The following ACOT2 variants were observed in gnomAD, a reference collection of about 807,000 sequenced individuals.
The protein encoded by ACOT2 is acyl-CoA thioesterase 2.
Under a neutral mutation model 20.1 loss-of-function variants are expected in ACOT2, and 15 were observed. The ratio of observed to expected loss-of-function variants is 0.75; its 90% CI spans 0.50 to 1.15. The LOEUF (loss-of-function observed/expected upper bound fraction) is 1.15. Among genes scored for constraint, ACOT2 ranks in the 50% most tolerant of loss-of-function variants. ACOT2 has a pLI of 0.00. For missense variants in ACOT2, 479 were observed against 615.3 expected, an observed-to-expected ratio of 0.78 and a Z score of 2.34; for synonymous variants, 252 against 268.4, an observed-to-expected ratio of 0.94 and a Z score of 0.60.
upstream of ACOT2, chr14:73,567,623 C>T (rs541803374): frequency 3.9e-5 from 6 of 152,224 alleles, no homozygotes; most frequent in African/African-American, 1.4e-4. Flanking sequence ...TAGTGGTAAC[C>T]TGCGTGAGTT....
At chr14:73,570,076 A>G (rs1462381328) in intron 1 of ACOT2, among the ~76,000 whole-genome samples, 193 bp downstream of exon 1, 1 of 148,866 alleles carries the variant, frequency 6.7e-6, no homozygotes, top group Non-Finnish European at 1.5e-5. Flanking sequence ...TTACAGGGTG[A>G]GCCACCGCGC....
In ACOT2 at chr14:73,575,619, T is replaced by A; in HGVS notation, c.*106T>A. ...ATTCTTTTGTTTTTAATAACTAAAGTTTTTTCCCCTCATTATTAAAATGAA... is the reference window on the plus strand; with the variant it reads ...ATTCTTTTGTTTTTAATAACTAAAGATTTTTCCCCTCATTATTAAAATGAA... On this transcript the variant is annotated 3_prime_UTR_variant, in exon 3 of 3. Transcript: ENST00000238651. 6.4e-7 allele frequency: 1 copy of A among 1,560,210 alleles called. No individual in the cohort carries two copies. The highest frequency in any genetic ancestry group is 2.2e-5 in the East Asian group (1 of 44,470).
intron 2 of ACOT2, among the ~76,000 whole-genome samples, chr14:73,573,906 T>C (rs1214023376): frequency 2.6e-5 from 4 of 152,086 alleles, no homozygotes; most frequent in African/African-American, 9.7e-5. Flanking sequence ...TTTGTATTTT[T>C]AGTGGAGGCG....
At chr14:73,570,474 CAGG>C (rs1156541929) in intron 1 of ACOT2, among the ~76,000 whole-genome samples, 1 of 151,832 alleles carries the variant, frequency 6.6e-6, no homozygotes, top group Non-Finnish European at 1.5e-5. Flanking sequence ...GAGGCTGAGG[CAGG>C]AGAATGGTGT....
chr14:73,575,578 G>T lies in ACOT2; in HGVS notation c.*65G>T. On this transcript the variant is annotated 3_prime_UTR_variant, in exon 3 of 3. Coordinates refer to ENST00000238651, the MANE Select transcript of ACOT2 (RefSeq NM_006821.6). ...CCTGGAAACATCTGCCACATTTAGT[G>T]TGTGTATGTGTATTCATTCTTTTGT... 6.4e-7 allele frequency: 1 copy of T among 1,552,186 alleles called. No homozygotes were observed. Among genetic ancestry groups the T allele is most frequent in the South Asian group, 1.2e-5 (1 of 82,054 alleles).
chr14:73,569,534 G>A lies in ACOT2; in HGVS notation c.294G>A (p.Ala98=), dbSNP rs1314075153. 2 of 1,606,280 alleles carry A rather than the reference G, an allele frequency of 1.2e-6. No homozygotes were observed. The highest frequency in any genetic ancestry group is 1.1e-5 in the South Asian group (1 of 90,684). The change falls in exon 1 of 3, where the codon GCG becomes GCA. Residue 98 remains alanine (A), a synonymous_variant. Transcript: ENST00000238651. ...LAPEQPVTLR[A]SLRDEKGALF... ...CGGAGCAGCCGGTCACGCTGCGCGC[G>A]TCCCTGCGCGACGAGAAGGGCGCGC...
intron 1 of ACOT2, among the ~76,000 whole-genome samples, chr14:73,571,962 A>G (rs1889760769): frequency 3.3e-5 from 5 of 151,778 alleles, no homozygotes; most frequent in African/African-American, 9.7e-5. Context: ...AATGCAAAAT[A>G]AAACAACAGA....
intron 1 of ACOT2, 142 bp from the exon 2 acceptor site, chr14:73,573,246 C>A: frequency 7.8e-7 from 1 of 1,287,558 alleles, no homozygotes; most frequent in Non-Finnish European, 1.1e-6. Flanking sequence ...GGTTTCTGGA[C>A]GAACAGGTTT....
rs1889686478 is a variant in ACOT2 at position 73,569,938 on chromosome 14, T to C, written c.643+55T>C. The C allele has an allele frequency of 1.2e-5, 19 of 1,545,688 alleles. No individual in the cohort carries two copies. In the East Asian group the frequency reaches 2.1e-4, roughly 17 times the overall value. On this transcript the variant is annotated intron_variant, in intron 1 of 2. Coordinates refer to ENST00000238651, the MANE Select transcript of ACOT2 (RefSeq NM_006821.6). Reference sequence around the variant, plus strand: ...TCGTTCGCCTTTCACTTTGTGTGTCTCCCCCGCCCCACGCTTTTCGCTTAT... The same window carrying C: ...TCGTTCGCCTTTCACTTTGTGTGTCCCCCCCGCCCCACGCTTTTCGCTTAT...
chr14:73,570,828 C>G (rs1388225080), intron 1 of ACOT2, among the ~76,000 whole-genome samples: 2 of 150,572 alleles, frequency 1.3e-5, no homozygotes, highest in Non-Finnish European at 3.0e-5. Flanking sequence ...TCGCTGGAAC[C>G]CGGGAGGCAG....
chr14:73,570,110 C>T (rs1305942998), intron 1 of ACOT2, among the ~76,000 whole-genome samples: 3 of 140,606 alleles, frequency 2.1e-5, no homozygotes, highest in African/African-American at 7.6e-5. Flanking sequence ...GGGAGTTACA[C>T]TTTTTTTTTT....
rs938256845 is a variant in ACOT2 at position 73,572,344 on chromosome 14, G to GA, written c.644-1035dup. 1.0e-4 allele frequency among the ~76,000 whole-genome samples: 15 copies of GA among 148,704 alleles called. No homozygotes were observed. The East Asian group carries it at 1.8e-3, about 17-fold the overall frequency. ...ATCTATCAAGATATACAAAAGAAAA[G>GA]AAAAAAAAAGAATCAACATGGATGA... On this transcript the variant is annotated intron_variant, in intron 1 of 2. Coordinates refer to ENST00000238651, the MANE Select transcript of ACOT2 (RefSeq NM_006821.6).
intron 1 of ACOT2, chr14:73,571,171 A>G (rs1889737051): frequency 1.3e-5 from 2 of 151,518 alleles, no homozygotes; most frequent in Admixed American, 6.6e-5. Flanking sequence ...CTGGCTGGCT[A>G]TGATCTCCCT....
Position 73,569,601 on chromosome 14 carries a change from G to T in ACOT2, c.361G>T (p.Glu121Ter), listed in dbSNP as rs779721978. 6.2e-6 allele frequency: 10 copies of T among 1,601,632 alleles called. No homozygotes were observed. The highest frequency in any genetic ancestry group is 6.8e-6 in the Non-Finnish European group (8 of 1,176,142). The change falls in exon 1 of 3, where the codon GAG becomes TAG. Residue 121 changes from glutamate to a stop codon, truncating the protein, a stop_gained. Transcript: ENST00000238651. LOFTEE classifies it high-confidence loss of function. ...HARYRADTLGELDLERAPALG... is the reference protein window; with the variant it reads ...HARYRADTLG ...GCGCTACCGCGCCGACACTCTTGGC[G>T]AGCTGGACCTGGAGCGCGCGCCCGC...
Position 73,569,627 on chromosome 14 carries a change from G to C in ACOT2, c.387G>C (p.Ala129=), listed in dbSNP as rs1027223417. ...LGELDLERAP[A]LGGSFAGLEP... ...AGCTGGACCTGGAGCGCGCGCCCGC[G>C]CTGGGCGGCAGCTTCGCGGGGCTTG... is the stretch of plus-strand genomic sequence containing the variant. The change falls in exon 1 of 3, where the codon GCG becomes GCC. Residue 129 remains alanine (A), a synonymous_variant. Transcript: ENST00000238651. The C allele has an allele frequency of 6.2e-6, 10 of 1,601,332 alleles. No individual in the cohort carries two copies. The highest frequency in any genetic ancestry group is 2.2e-4 in the Middle Eastern group (1 of 4,574).
rs1480877814 is a variant in ACOT2 at position 73,569,799 on chromosome 14, C to A, written c.559C>A (p.His187Asn). 4 of 1,603,224 alleles carry A rather than the reference C, an allele frequency of 2.5e-6. No homozygotes were observed. The African/African-American group carries it at 5.4e-5, about 21-fold the overall frequency. The change falls in exon 1 of 3, where the codon CAC becomes AAC. Residue 187 changes from histidine (H) to asparagine (N), a missense_variant. Around this residue, in one of 4 missense-constraint regions of ACOT2, gnomAD observed 400 missense variants for 395.5 expected, o/e 1.01. Coordinates refer to ENST00000238651, the MANE Select transcript of ACOT2 (RefSeq NM_006821.6). ...DPGRLLCQTR[H>N]ERYFLPPGVR... ...CGGGCGGCTGCTGTGCCAGACGCGG[C>A]ACGAGCGCTACTTCCTCCCGCCCGG...
rs374963073 is a variant in ACOT2 at position 73,574,572 on chromosome 14, T to C, written c.847-336T>C. ...GCCACCACTCCCGGCCATGAGATGA[T>C]GTACTTGTTGATGATGACTCAGTTT... On this transcript the variant is annotated intron_variant, in intron 2 of 2. Coordinates refer to ENST00000238651, the MANE Select transcript of ACOT2 (RefSeq NM_006821.6). Among the ~76,000 whole-genome samples the C allele has an allele frequency of 2.2e-4, 34 of 152,048 alleles. No individual in the cohort carries two copies. The South Asian group carries it at 6.5e-3, about 29-fold the overall frequency.
At chr14:73,571,950 G>T (rs1889760577) in intron 1 of ACOT2, among the ~76,000 whole-genome samples, 1 of 151,454 alleles carries the variant, frequency 6.6e-6, no homozygotes, top group Non-Finnish European at 1.5e-5. Flanking sequence ...AATAATCAAA[G>T]AAATGCAAAA....
In ACOT2 at chr14:73,569,335, G is replaced by A. The variant is rs760417675; in HGVS notation, c.95G>A (p.Arg32Gln). ...ASSPAVLRAS[R>Q]LYQWSLKSSA... The stretch of plus-strand genomic sequence containing the variant: ...TCTCCTGCTGTCCTTCGAGCGTCCC[G>A]GCTGTACCAATGGAGCCTGAAGAGT... Residue 32 changes from arginine (R) to glutamine (Q), a missense_variant, in exon 1 of 3, where the codon CGG becomes CAG. This residue lies in a region of ACOT2 where 400 missense variants were observed against 395.5 expected (regional missense o/e 1.01). Coordinates refer to ENST00000238651, the MANE Select transcript of ACOT2 (RefSeq NM_006821.6). 2 of 1,613,844 alleles carry A rather than the reference G, an allele frequency of 1.2e-6. No homozygotes were observed. The highest frequency in any genetic ancestry group is 8.5e-7 in the Non-Finnish European group (1 of 1,179,808).
Sources: allele counts gnomAD v4.1 joint callset (sites outside exome capture counted in the v4.1 genomes callset), GRCh38; gene constraint gnomAD v4.1.1; regional missense constraint gnomAD v4.1.1; transcripts MANE v1.5; gene names NCBI Gene and HGNC (gene_info 2026-07-23, HGNC 2026-07-21).